The following CFLAR variants were observed in gnomAD, a reference collection of about 807,000 sequenced individuals.
CFLAR encodes CASP8 and FADD-like apoptosis regulator.
Under a neutral mutation model 51.1 loss-of-function variants are expected in CFLAR, and 14 were observed. The ratio of observed to expected loss-of-function variants is 0.27; its 90% CI spans 0.18 to 0.43. The LOEUF (loss-of-function observed/expected upper bound fraction) is 0.43. CFLAR is among the 20% of genes least tolerant of loss of function. The pLI is 1.00. For synonymous variants in CFLAR, 210 were observed against 211.6 expected (o/e 0.99, Z 0.06); for missense variants, 390 against 566.5 (o/e 0.69, Z 3.16).
At chr2:201,133,227 CCG>C in intron 3 of CFLAR, 93 bp downstream of exon 3, 2 of 871,590 alleles carry the variant, frequency 2.3e-6, no homozygotes, top group Non-Finnish European at 3.8e-6. Flanking sequence ...AGGCAGTCTG[CCG>C]CCACTATAGT....
At chr2:201,119,140 T>C (rs917736223) in intron 1 of CFLAR, 1 of 152,336 alleles carries the variant, frequency 6.6e-6, no homozygotes, top group Non-Finnish European at 1.5e-5. Flanking sequence ...ATTTCTTCCC[T>C]GTAGAGCCCC....
chr2:201,135,908 T>G, intron 3 of CFLAR, 64 bp from the exon 4 acceptor site: 1 of 1,562,888 alleles, frequency 6.4e-7, no homozygotes. Flanking sequence ...ATTACAGGTA[T>G]GAACTTCTGC....
At chr2:201,150,708 A>G (rs1429298749) in intron 8 of CFLAR, among the ~76,000 whole-genome samples, 2 of 152,148 alleles carry the variant, frequency 1.3e-5, no homozygotes, top group East Asian at 3.9e-4. Flanking sequence ...GGATCTCACA[A>G]GAGATTTTAG....
intron 5 of CFLAR, among the ~76,000 whole-genome samples, chr2:201,142,187 A>G (rs567836775): frequency 9.2e-5 from 14 of 152,056 alleles, no homozygotes; most frequent in African/African-American, 2.9e-4. Flanking sequence ...GGTGGGAGAA[A>G]TTGCTTGAGC....
At chr2:201,154,296 G>A (rs749531975) in intron 8 of CFLAR, 1 of 165,756 alleles carries the variant, frequency 6.0e-6, no homozygotes, top group South Asian at 1.1e-4. Flanking sequence ...TCACCATGTC[G>A]GCCAGGCTGG....
chr2:201,123,202 C>G (rs1335953803), intron 1 of CFLAR, among the ~76,000 whole-genome samples: 1 of 152,236 alleles, frequency 6.6e-6, no homozygotes, highest in South Asian at 2.1e-4. Flanking sequence ...TTTTCTGCAG[C>G]CTACACATAA....
chr2:201,159,774 T>C (rs1431097875), intron 8 of CFLAR, among the ~76,000 whole-genome samples: 1 of 152,252 alleles, frequency 6.6e-6, no homozygotes, highest in Non-Finnish European at 1.5e-5. Context: ...ACAGTACTAA[T>C]TTAATTATAT....
intron 1 of CFLAR, among the ~76,000 whole-genome samples, chr2:201,117,980 C>A (rs2047785290): frequency 6.6e-6 from 1 of 151,976 alleles, no homozygotes; most frequent in Middle Eastern, 3.2e-3. Flanking sequence ...GTCTCGAACT[C>A]CTGACCTTAG....
At chr2:201,158,303 CAAATAAAGGAAAGAGCTGG>C (rs1300070977) in intron 8 of CFLAR, among the ~76,000 whole-genome samples, 1 of 152,188 alleles carries the variant, frequency 6.6e-6, no homozygotes, top group East Asian at 1.9e-4. Flanking sequence ...CCAGGGAGCA[CAAATAAAGGAAAGAGCTGG>C]AAGGCACAGT....
rs552605954 is a variant in CFLAR, at chr2:201,163,848, C to T, written c.1318C>T (p.Leu440=). The T allele has an allele frequency of 6.2e-6, 10 of 1,611,928 alleles. No homozygotes were observed. The African/African-American group carries it at 1.3e-4, about 22-fold the overall frequency. ...KLRQERKRPL[L]DLHIELNGYM... is the part of the protein sequence containing the mutation. ...TGTTTTCTCCAGAAAACGCCCACTCCTGGATCTTCACATTGAACTCAATGG... is the reference window on the plus strand; with the variant it reads ...TGTTTTCTCCAGAAAACGCCCACTCTTGGATCTTCACATTGAACTCAATGG... Residue 440 remains leucine (L), a synonymous_variant, in exon 10 of 10, where the codon CTG becomes TTG. Coordinates refer to ENST00000309955, the MANE Select transcript of CFLAR (RefSeq NM_003879.7).
chr2:201,118,302 G>T lies in CFLAR; in HGVS notation c.-138+1821G>T, dbSNP rs950700708. On this transcript the variant is annotated intron_variant, in intron 1 of 9. Transcript: ENST00000309955. This position sits in a 1 kb window ranked among gnomAD's most constrained non-coding sequence, Gnocchi z 5.1. ...ACCGGTTTCCAAGGTGAAGCCATTTGCAGGGTCGCTGGGTTTCCCCCTCCC... is the reference window on the plus strand; with the variant it reads ...ACCGGTTTCCAAGGTGAAGCCATTTTCAGGGTCGCTGGGTTTCCCCCTCCC... Among the ~76,000 whole-genome samples the T allele has an allele frequency of 6.6e-6, 1 of 152,174 alleles. No individual in the cohort carries two copies.
intron 9 of CFLAR, 78 bp from the exon 10 acceptor site, chr2:201,163,757 T>G: frequency 6.5e-7 from 1 of 1,539,326 alleles, no homozygotes; most frequent in Non-Finnish European, 8.7e-7. Context: ...TCACATCTGT[T>G]GGCTCATTTC....
At chr2:201,161,416 AT>A (rs796091646) in intron 9 of CFLAR, among the ~76,000 whole-genome samples, 6 of 65,914 alleles carry the variant, frequency 9.1e-5, no homozygotes, top group South Asian at 3.8e-4. Context: ...ATTTATTTTT[AT>A]TTATTTTTTT....
intron 6 of CFLAR, chr2:201,146,335 TG>T (rs1281030362): frequency 6.6e-6 from 1 of 152,136 alleles, no homozygotes; most frequent in Non-Finnish European, 1.5e-5. Context: ...TTAGTAGAGA[TG>T]GGGTTTCATT....
intron 2 of CFLAR, 27 bp from the exon 3 acceptor site, chr2:201,133,002 A>C (rs1298196538): frequency 3.7e-6 from 6 of 1,603,908 alleles, no homozygotes; most frequent in Non-Finnish European, 4.3e-6. Flanking sequence ...TGTCTGAATT[A>C]ACTAAATGAA....
At chr2:201,139,293 T>C (rs1010843392) in intron 4 of CFLAR, 1 of 281,058 alleles carries the variant, frequency 3.6e-6, no homozygotes, top group Admixed American at 4.8e-5. Context: ...ACACAAACAC[T>C]GCGGAAGGCC....
At chr2:201,149,468 TTC>T (rs1421653742) in intron 7 of CFLAR, 2 of 302,420 alleles carry the variant, frequency 6.6e-6, no homozygotes, top group African/African-American at 2.2e-5. Context: ...CACTCATGTT[TTC>T]TCTCTTTTTC....
chr2:201,131,915 GT>G (rs2049371646), intron 2 of CFLAR, among the ~76,000 whole-genome samples: 1 of 152,044 alleles, frequency 6.6e-6, no homozygotes, highest in East Asian at 1.9e-4. Flanking sequence ...TTACAAGGTT[GT>G]TGTGAGCATC....
In CFLAR at chr2:201,175,613, G is replaced by C. The variant is rs1381153899; in HGVS notation, c.*11640G>C. 1 of 152,166 alleles carries C rather than the reference G, an allele frequency of 6.6e-6. No individual in the cohort carries two copies. The highest frequency in any genetic ancestry group is 1.9e-4 in the East Asian group (1 of 5,196). The allele number at this position is 152,166 out of a possible 1,614,324, so 9.4% of individuals were successfully genotyped here. ...TACTCCAGCCTGGGGAACAGAGTGAGACCCTGTCTCAAAATAAAAATAAAT... is the reference window on the plus strand; with the variant it reads ...TACTCCAGCCTGGGGAACAGAGTGACACCCTGTCTCAAAATAAAAATAAAT... On this transcript the variant is annotated 3_prime_UTR_variant, in exon 10 of 10. Transcript: ENST00000309955.
Sources: allele counts gnomAD v4.1 joint callset (sites outside exome capture counted in the v4.1 genomes callset), GRCh38; gene constraint gnomAD v4.1.1; non-coding constraint Gnocchi (gnomAD v3.1); transcripts MANE v1.5; gene names NCBI Gene and HGNC (gene_info 2026-07-23, HGNC 2026-07-21).